The following CCDC60 variants were observed in gnomAD, a reference collection of about 807,000 sequenced individuals.
CCDC60 encodes the protein coiled-coil domain containing 60.
Under a neutral mutation model 63.5 loss-of-function variants are expected in CCDC60, and 54 were observed. The observed-to-expected ratio is 0.85, with a 90% confidence interval of 0.68 to 1.07. The LOEUF (loss-of-function observed/expected upper bound fraction) is 1.07, where lower values mean the gene tolerates loss of function less well. Ranked by LOEUF, CCDC60 falls within the 50% of genes least tolerant of loss-of-function variation. CCDC60 has a pLI of 0.00. For missense variants in CCDC60, 651 were observed against 684.3 expected, an observed-to-expected ratio of 0.95 and a Z score of 0.54; for synonymous variants, 206 against 238.8, an observed-to-expected ratio of 0.86 and a Z score of 1.27.
At chr12:119,447,310 C>T (rs947834873) in intron 2 of CCDC60, among the ~76,000 whole-genome samples, 2 of 152,130 alleles carry the variant, frequency 1.3e-5, no homozygotes, top group East Asian at 3.9e-4. Flanking sequence ...CCTCAGACCC[C>T]TCCCACTTCC....
At chr12:119,471,742 A>G (rs924205710) in intron 2 of CCDC60, among the ~76,000 whole-genome samples, 4 of 152,082 alleles carry the variant, frequency 2.6e-5, no homozygotes, top group East Asian at 1.9e-4. Context: ...TCCCAAGACA[A>G]TAAGAGTCAA....
intron 1 of CCDC60, among the ~76,000 whole-genome samples, chr12:119,407,618 T>C (rs1461781708): frequency 1.3e-5 from 2 of 152,166 alleles, no homozygotes; most frequent in African/African-American, 2.4e-5. Context: ...AAGCCCGAGA[T>C]TGTTGTTCTA....
intron 1 of CCDC60, among the ~76,000 whole-genome samples, chr12:119,387,034 T>TCTCACA (rs543330015): frequency 0.019 from 1,978 of 105,384 alleles, 48 homozygotes; most frequent in Admixed American, 0.038. Context: ...TCTGTCTCTC[T>TCTCACA]CACACACACA....
intron 1 of CCDC60, among the ~76,000 whole-genome samples, chr12:119,369,327 G>A (rs1200442305): frequency 6.6e-6 from 1 of 152,196 alleles, no homozygotes; most frequent in Non-Finnish European, 1.5e-5. Context: ...TTTCAGCCCA[G>A]AAAAGGGTGA....
At chr12:119,417,936 C>A (rs899795098) in intron 1 of CCDC60, among the ~76,000 whole-genome samples, 1 of 152,158 alleles carries the variant, frequency 6.6e-6, no homozygotes, top group South Asian at 2.1e-4. Context: ...ACGGAAGACC[C>A]AAGCAAATTA....
rs202056881 is a variant in CCDC60 at position 119,505,124 on chromosome 12, G to A, written c.704G>A (p.Arg235Gln). The A allele has an allele frequency of 4.1e-5, 66 of 1,612,318 alleles. No individual in the cohort carries two copies. Among genetic ancestry groups the A allele is most frequent in the Non-Finnish European group, 5.0e-5 (59 of 1,178,918 alleles). Residue 235 changes from arginine (R) to glutamine (Q), a missense_variant, in exon 7 of 14, where the codon CGA becomes CAA. Arg to Gln is a conservative substitution (Grantham distance 43). Transcript: ENST00000327554. ...GTCACCAACCGCAAACCAAGCCGGCGAGGCTCCACACTCAGTCTGAGTCGG... is the reference window on the plus strand; with the variant it reads ...GTCACCAACCGCAAACCAAGCCGGCAAGGCTCCACACTCAGTCTGAGTCGG... ...MRVTNRKPSR[R>Q]GSTLSLSRAS... is the part of the protein sequence containing the mutation.
chr12:119,384,057 G>C (rs953220897), intron 1 of CCDC60, among the ~76,000 whole-genome samples: 5 of 152,110 alleles, frequency 3.3e-5, no homozygotes, highest in Non-Finnish European at 5.9e-5. Flanking sequence ...TTAGCCGGGC[G>C]TGGTGGCGGG....
chr12:119,337,293 G>A (rs539889484), intron 1 of CCDC60, among the ~76,000 whole-genome samples: 15 of 152,314 alleles, frequency 9.8e-5, no homozygotes, highest in South Asian at 8.3e-4. Context: ...AATGAATGAG[G>A]GAAAGAATGA....
In CCDC60 at chr12:119,409,839, C is replaced by G. The variant is rs115665592; in HGVS notation, c.91-18844C>G. On this transcript the variant is annotated intron_variant, in intron 1 of 13. Coordinates refer to ENST00000327554, the MANE Select transcript of CCDC60 (RefSeq NM_178499.5). Reference sequence around the variant, plus strand: ...CCTCTCTGTCTCTGTCTGTCTGCCTCTCTCTGTGTGTCTCCTTCTCACTCT... The same window carrying G: ...CCTCTCTGTCTCTGTCTGTCTGCCTGTCTCTGTGTGTCTCCTTCTCACTCT... Among the ~76,000 whole-genome samples, 691 of 152,140 alleles carry G rather than the reference C, an allele frequency of 4.5e-3. 6 individuals are homozygous for G. The highest frequency in any genetic ancestry group is 0.013 in the African/African-American group (520 of 41,518).
At chr12:119,497,414 G>A (rs771791148) in intron 5 of CCDC60, among the ~76,000 whole-genome samples, 24 of 152,310 alleles carry the variant, frequency 1.6e-4, no homozygotes, top group Middle Eastern at 3.4e-3. Context: ...AGCTAACCAG[G>A]CCTTTTCTTT....
intron 13 of CCDC60, among the ~76,000 whole-genome samples, chr12:119,532,464 G>A (rs141303495): frequency 1.5e-3 from 219 of 149,098 alleles, no homozygotes; most frequent in African/African-American, 4.9e-3. Context: ...ATACATGTGC[G>A]TAACGTGAAG....
rs75848918 is a variant in CCDC60, at chr12:119,494,523, C to T, written c.558-5555C>T. 9.0e-3 allele frequency among the ~76,000 whole-genome samples: 1,369 copies of T among 152,296 alleles called. 27 individuals are homozygous for T. Among genetic ancestry groups the T allele is most frequent in the African/African-American group, 0.031 (1,283 of 41,554 alleles). ...GGAGACCAAGTGGGTGTAATCCCTA[C>T]GCTTACAATCCTGATTCTTATAATC... On this transcript the variant is annotated intron_variant, in intron 5 of 13. Coordinates refer to ENST00000327554, the MANE Select transcript of CCDC60 (RefSeq NM_178499.5).
intron 13 of CCDC60, 142 bp downstream of exon 13, chr12:119,531,205 C>T (rs1020845463): frequency 1.4e-5 from 10 of 701,356 alleles, no homozygotes; most frequent in South Asian, 5.0e-5. Flanking sequence ...GAGGGATTGT[C>T]CCATTACCTG....
intron 4 of CCDC60, among the ~76,000 whole-genome samples, chr12:119,486,653 C>T (rs1240521634): frequency 6.6e-6 from 1 of 152,182 alleles, no homozygotes; most frequent in East Asian, 1.9e-4. Context: ...GAGAGTTTCT[C>T]ATGGTAGTTT....
At chr12:119,436,962 T>C (rs1462273939) in intron 2 of CCDC60, among the ~76,000 whole-genome samples, 2 of 152,234 alleles carry the variant, frequency 1.3e-5, no homozygotes, top group African/African-American at 2.4e-5. Flanking sequence ...ATATCCCTTA[T>C]GACTCCATTA....
intron 9 of CCDC60, among the ~76,000 whole-genome samples, chr12:119,521,583 A>G (rs1952531559): frequency 6.6e-6 from 1 of 152,154 alleles, no homozygotes; most frequent in African/African-American, 2.4e-5. Flanking sequence ...CTGCGGCAGG[A>G]GGAAGCTTAG....
chr12:119,408,851 T>C (rs140372257), intron 1 of CCDC60, among the ~76,000 whole-genome samples: 9 of 151,206 alleles, frequency 6.0e-5, no homozygotes, highest in Non-Finnish European at 1.0e-4. Context: ...GTAATAGCAA[T>C]AACCGCAATG....
At chr12:119,487,966 C>T (rs1951494655) in intron 4 of CCDC60, among the ~76,000 whole-genome samples, 1 of 152,116 alleles carries the variant, frequency 6.6e-6, no homozygotes, top group Admixed American at 6.5e-5. Flanking sequence ...CCCAGCCTCC[C>T]AAGTAGCAGG....
chr12:119,533,471 T>C (rs1277588910), intron 13 of CCDC60, among the ~76,000 whole-genome samples: 4 of 152,226 alleles, frequency 2.6e-5, no homozygotes, highest in Non-Finnish European at 4.4e-5. Flanking sequence ...GCTTTTGGTG[T>C]TTTAGTCATG....
Sources: allele counts gnomAD v4.1 joint callset (sites outside exome capture counted in the v4.1 genomes callset), GRCh38; gene constraint gnomAD v4.1.1; transcripts MANE v1.5; gene names NCBI Gene and HGNC (gene_info 2026-07-23, HGNC 2026-07-21).